The following TECRL variants were observed in gnomAD, a reference collection of about 807,000 sequenced individuals.
The protein encoded by TECRL is trans-2,3-enoyl-CoA reductase-like.
A neutral mutation model predicts 52.8 loss-of-function variants in TECRL; 63 were observed. The observed-to-expected ratio is 1.19, with a 90% CI of 0.97 to 1.47. The LOEUF is 1.47. Among genes scored for constraint, TECRL ranks in the 40% most tolerant of loss-of-function variants. TECRL has a pLI of 0.00. For missense variants in TECRL, 482 were observed against 429.6 expected (o/e 1.12, Z -1.08); for synonymous variants, 164 against 141.9 (o/e 1.16, Z -1.10).
chr4:64,394,273 C>T (rs1723764479), intron 1 of TECRL, among the ~76,000 whole-genome samples: 1 of 152,126 alleles, frequency 6.6e-6, no homozygotes, highest in Admixed American at 6.6e-5. Context: ...GTAGCGTAGC[C>T]TATGCTCCTT....
chr4:64,370,831 G>A (rs1279337282), intron 2 of TECRL, among the ~76,000 whole-genome samples: 1 of 151,806 alleles, frequency 6.6e-6, no homozygotes, highest in South Asian at 2.1e-4. Flanking sequence ...TATTAATCAT[G>A]TGCTTAGTAA....
chr4:64,400,480 A>ACAAGGGCATGAGATTTTGGAGGGAC lies in TECRL; in HGVS notation c.234+8613_234+8637dup, dbSNP rs797008742. On this transcript the variant is annotated intron_variant, in intron 1 of 11. Transcript: ENST00000381210. ...AGGCATGATGGTATTTTGAAATGTGACAAGGGCATGAGATTTTGGAGGGAC... is the reference window on the plus strand; with the variant it reads ...AGGCATGATGGTATTTTGAAATGTGACAAGGGCATGAGATTTTGGAGGGACCAAGGGCATGAGATTTTGGAGGGAC... Among the ~76,000 whole-genome samples, 9 of 152,230 alleles carry ACAAGGGCATGAGATTTTGGAGGGAC rather than the reference A, an allele frequency of 5.9e-5. 1 individual carries two copies. The highest frequency in any genetic ancestry group is 2.2e-4 in the African/African-American group (9 of 41,554).
At chr4:64,400,284 G>A (rs1167129218) in intron 1 of TECRL, among the ~76,000 whole-genome samples, 1 of 152,146 alleles carries the variant, frequency 6.6e-6, no homozygotes, top group East Asian at 1.9e-4. Flanking sequence ...TTTTTGGAAT[G>A]GGAGTGTTTA....
At chr4:64,351,459 G>A (rs779170020) in intron 2 of TECRL, among the ~76,000 whole-genome samples, 1 of 151,970 alleles carries the variant, frequency 6.6e-6, no homozygotes, top group Non-Finnish European at 1.5e-5. Context: ...ATTTTTAGAA[G>A]GATGAGGTCT....
intron 9 of TECRL, among the ~76,000 whole-genome samples, chr4:64,283,922 T>A (rs4860590): frequency 0.62 from 94,352 of 151,770 alleles, 32,646 homozygotes; most frequent in Non-Finnish European, 0.77. Flanking sequence ...ATCTCCCCTA[T>A]CTTTTCTTCT....
chr4:64,336,532 T>C (rs568108755), intron 2 of TECRL, among the ~76,000 whole-genome samples: 1 of 152,326 alleles, frequency 6.6e-6, no homozygotes, highest in South Asian at 2.1e-4. Flanking sequence ...ATCTTAGTTA[T>C]TTCTTGCCTT....
chr4:64,336,093 G>A (rs948904450), intron 2 of TECRL, among the ~76,000 whole-genome samples: 2 of 152,108 alleles, frequency 1.3e-5, no homozygotes, highest in African/African-American at 4.8e-5. Context: ...AATGGTACCA[G>A]CTCCTCTTTG....
intron 1 of TECRL, among the ~76,000 whole-genome samples, chr4:64,408,243 C>T (rs17084842): frequency 0.049 from 7,480 of 151,726 alleles, 247 homozygotes; most frequent in East Asian, 0.15. Context: ...CATGGAAAAA[C>T]GGAATGATTG....
chr4:64,390,475 T>C (rs772456769), intron 1 of TECRL, among the ~76,000 whole-genome samples: 1 of 151,866 alleles, frequency 6.6e-6, no homozygotes, highest in Non-Finnish European at 1.5e-5. Context: ...TTCTGTTCAT[T>C]CTACTTGGAA....
At chr4:64,380,206 A>T (rs1221265818) in intron 1 of TECRL, among the ~76,000 whole-genome samples, 2 of 152,086 alleles carry the variant, frequency 1.3e-5, no homozygotes, top group African/African-American at 4.8e-5. Context: ...CTTTAGAGAA[A>T]TATCTACTCA....
intron 1 of TECRL, among the ~76,000 whole-genome samples, chr4:64,402,040 A>G (rs1418447746): frequency 1.3e-5 from 2 of 152,096 alleles, no homozygotes; most frequent in Non-Finnish European, 2.9e-5. Context: ...TATATGTACA[A>G]AACAAACATT....
intron 2 of TECRL, among the ~76,000 whole-genome samples, chr4:64,340,368 T>C (rs528708080): frequency 3.2e-4 from 48 of 152,306 alleles, no homozygotes; most frequent in African/African-American, 1.0e-3. Flanking sequence ...CTCAGAGGTC[T>C]AGGGAGGCCC....
chr4:64,405,648 G>A (rs115608450), intron 1 of TECRL, among the ~76,000 whole-genome samples: 6,232 of 152,200 alleles, frequency 0.041, 125 homozygotes, highest in Non-Finnish European at 0.048. Flanking sequence ...TACAGTATAT[G>A]TTTATGAGAC....
chr4:64,347,130 A>G (rs1720046415), intron 2 of TECRL, among the ~76,000 whole-genome samples: 1 of 152,170 alleles, frequency 6.6e-6, no homozygotes, highest in Admixed American at 6.5e-5. Context: ...TCTTACATAA[A>G]TAGCCTGTTC....
chr4:64,371,472 G>A (rs988522018), intron 2 of TECRL, among the ~76,000 whole-genome samples: 5 of 151,274 alleles, frequency 3.3e-5, no homozygotes, highest in African/African-American at 7.3e-5. Flanking sequence ...TGGTATTTCC[G>A]AATCTCTGTT....
At chr4:64,395,293 T>C (rs575974059) in intron 1 of TECRL, among the ~76,000 whole-genome samples, 1 of 152,286 alleles carries the variant, frequency 6.6e-6, no homozygotes, top group South Asian at 2.1e-4. Context: ...ATCAATTGCA[T>C]ACATTTACCA....
intron 2 of TECRL, among the ~76,000 whole-genome samples, chr4:64,352,028 T>C (rs905707421): frequency 6.6e-6 from 1 of 152,204 alleles, no homozygotes; most frequent in African/African-American, 2.4e-5. Flanking sequence ...CTAATATTGA[T>C]TGCCATATCA....
In TECRL at chr4:64,304,849, A is replaced by G. The variant is rs1724233915; in HGVS notation, c.730+317T>C. The G allele has an allele frequency of 1.7e-5, 3 of 172,734 alleles. No homozygotes were observed. In the Admixed American group the frequency reaches 1.9e-4, roughly 11 times the overall value. 10.7% of individuals were successfully genotyped at this position (172,734 alleles called of 1,614,324 possible). A position where few individuals can be genotyped will look rare whatever the true frequency, so the allele number is the denominator to read the frequency against. On this transcript the variant is annotated intron_variant, in intron 7 of 11. Coordinates refer to ENST00000381210, the MANE Select transcript of TECRL (RefSeq NM_001010874.5). ...TTATCATTTACTTGTAAAATATCTG[A>G]TAGCTGATTAGTATATGATTGTATA... is the stretch of plus-strand genomic sequence containing the variant.
At chr4:64,333,862 T>C (rs1276422025) in intron 2 of TECRL, among the ~76,000 whole-genome samples, 1 of 109,208 alleles carries the variant, frequency 9.2e-6, no homozygotes, top group Non-Finnish European at 1.8e-5. Flanking sequence ...CTACTAAAAA[T>C]ACAAAAAAAA....
Sources: allele counts gnomAD v4.1 joint callset (sites outside exome capture counted in the v4.1 genomes callset), GRCh38; gene constraint gnomAD v4.1.1; transcripts MANE v1.5; gene names NCBI Gene and HGNC (gene_info 2026-07-23, HGNC 2026-07-21).